Variants in RCAN1 observed in about 807,000 individuals in gnomAD.
RCAN1 encodes calcipressin-1.
Under a neutral mutation model 22.9 loss-of-function variants are expected in RCAN1, and 11 were observed. That is an observed-to-expected ratio of 0.48 (90% CI 0.30 to 0.79). The LOEUF (loss-of-function observed/expected upper bound fraction) is 0.79, where lower values mean the gene tolerates loss of function less well. RCAN1 is among the 30% of genes least tolerant of loss of function. The pLI, the probability that RCAN1 is intolerant of heterozygous loss-of-function variation, is 0.06. For missense variants in RCAN1, 291 were observed against 337.8 expected, an observed-to-expected ratio of 0.86 and a Z score of 1.09; for synonymous variants, 136 against 142.3, an observed-to-expected ratio of 0.96 and a Z score of 0.32.
chr21:34,546,512 CA>C (rs1986146278), intron 1 of RCAN1, among the ~76,000 whole-genome samples: 1 of 152,090 alleles, frequency 6.6e-6, no homozygotes, highest in Non-Finnish European at 1.5e-5. Context: ...AACAGGTACA[CA>C]ACTCCCCTCT....
At chr21:34,529,798 T>C (rs750217795) in intron 1 of RCAN1, among the ~76,000 whole-genome samples, 13 of 152,178 alleles carry the variant, frequency 8.5e-5, no homozygotes, top group Non-Finnish European at 1.8e-4. Context: ...GAATTGTATC[T>C]CCCAGAATTC....
Position 34,566,214 on chromosome 21 carries a change from CT to C in RCAN1, c.253-42505del, listed in dbSNP as rs142147029. Among the ~76,000 whole-genome samples the C allele has an allele frequency of 7.1e-3, 1,081 of 152,242 alleles. 11 individuals carry two copies. Among genetic ancestry groups the C allele is most frequent in the African/African-American group, 0.024 (1,008 of 41,526 alleles). On this transcript the variant is annotated intron_variant, in intron 1 of 3. Coordinates refer to ENST00000313806, the MANE Select transcript of RCAN1 (RefSeq NM_004414.7). ...AGTCCAGCCCCAGAGTGGATTGCTT[CT>C]GGGCAAATGACTCCCAGAGTCTTCT...
intron 1 of RCAN1, among the ~76,000 whole-genome samples, chr21:34,567,357 G>A (rs2268259): frequency 0.25 from 37,483 of 151,856 alleles, 5,586 homozygotes; most frequent in African/African-American, 0.41. Context: ...TTAGCCGAGC[G>A]TGGGGGGCAC....
intron 1 of RCAN1, among the ~76,000 whole-genome samples, chr21:34,544,631 G>C (rs964722571): frequency 6.6e-6 from 1 of 152,200 alleles, no homozygotes; most frequent in African/African-American, 2.4e-5. Context: ...CAGAAACTCT[G>C]CTGGTTTTTG....
intron 1 of RCAN1, among the ~76,000 whole-genome samples, chr21:34,569,174 A>G (rs1164494024): frequency 6.6e-6 from 1 of 152,202 alleles, no homozygotes; most frequent in African/African-American, 2.4e-5. Context: ...CTTAGTGTGT[A>G]AATTTTAGAG....
At chr21:34,560,875 T>C (rs1025733904) in intron 1 of RCAN1, among the ~76,000 whole-genome samples, 13 of 152,186 alleles carry the variant, frequency 8.5e-5, no homozygotes, top group Non-Finnish European at 1.8e-4. Flanking sequence ...ATTCTGACTA[T>C]ACTCTTACAA....
At chr21:34,538,835 A>G (rs7276075) in intron 1 of RCAN1, among the ~76,000 whole-genome samples, 36,371 of 151,844 alleles carry the variant, frequency 0.24, 5,057 homozygotes, top group African/African-American at 0.38. Flanking sequence ...GACAAATTCT[A>G]TTTTTCTGAA....
chr21:34,574,734 G>A (rs1987352862), intron 1 of RCAN1, among the ~76,000 whole-genome samples: 1 of 152,260 alleles, frequency 6.6e-6, no homozygotes, highest in Non-Finnish European at 1.5e-5. Context: ...TTCAGCAGTT[G>A]TTTGAGTGTA....
chr21:34,597,070 C>G (rs1826970654), intron 1 of RCAN1, among the ~76,000 whole-genome samples: 3 of 152,156 alleles, frequency 2.0e-5, no homozygotes, highest in Non-Finnish European at 4.4e-5. Flanking sequence ...TGGGCCCAAT[C>G]TCAGCATCTC....
chr21:34,589,829 C>G (rs986579170), intron 1 of RCAN1, among the ~76,000 whole-genome samples: 3 of 152,228 alleles, frequency 2.0e-5, no homozygotes, highest in Non-Finnish European at 4.4e-5. Flanking sequence ...GGCCTTTGGA[C>G]TAGCCAGTCT....
At chr21:34,552,471 A>G (rs1002179019) in intron 1 of RCAN1, among the ~76,000 whole-genome samples, 3 of 152,364 alleles carry the variant, frequency 2.0e-5, no homozygotes, top group Non-Finnish European at 2.9e-5. Context: ...TCTCCATAGG[A>G]ACCCTGCCAG....
At chr21:34,584,948 T>A (rs531322778) in intron 1 of RCAN1, among the ~76,000 whole-genome samples, 1 of 152,354 alleles carries the variant, frequency 6.6e-6, no homozygotes, top group African/African-American at 2.4e-5. Flanking sequence ...GGGTCATGTT[T>A]TGCTATGCAT....
intron 1 of RCAN1, among the ~76,000 whole-genome samples, chr21:34,610,954 T>C (rs1180453636): frequency 1.3e-5 from 2 of 152,230 alleles, no homozygotes; most frequent in East Asian, 3.8e-4. Context: ...AATTTTTCTA[T>C]AATTTTCTGA....
At chr21:34,578,353 T>C (rs1271920616) in intron 1 of RCAN1, among the ~76,000 whole-genome samples, 1 of 152,204 alleles carries the variant, frequency 6.6e-6, no homozygotes. Context: ...ATCTGTTTGA[T>C]GCAGAACTAA....
chr21:34,563,765 A>AT (rs1269267827), intron 1 of RCAN1, among the ~76,000 whole-genome samples: 11 of 99,526 alleles, frequency 1.1e-4, no homozygotes, highest in East Asian at 4.9e-4. Flanking sequence ...AAAAAAAAAA[A>AT]AAAAAATATA....
intron 1 of RCAN1, chr21:34,524,977 A>G: frequency 6.7e-7 from 1 of 1,491,770 alleles, no homozygotes; most frequent in East Asian, 2.5e-5. Flanking sequence ...AGGCAAAAAC[A>G]CTTAGGACAG....
chr21:34,560,647 A>T (rs1357878992), intron 1 of RCAN1, among the ~76,000 whole-genome samples: 1 of 152,240 alleles, frequency 6.6e-6, no homozygotes, highest in Non-Finnish European at 1.5e-5. Context: ...ATACTTAATA[A>T]TTAGCACCAG....
chr21:34,537,074 C>T (rs1157428740), intron 1 of RCAN1, among the ~76,000 whole-genome samples: 1 of 152,204 alleles, frequency 6.6e-6, no homozygotes, highest in Non-Finnish European at 1.5e-5. Context: ...TAACAAGTCA[C>T]ACGAGGAAGC....
At chr21:34,583,177 C>CTTTTTT (rs1568922372) in intron 1 of RCAN1, among the ~76,000 whole-genome samples, 1 of 107,034 alleles carries the variant, frequency 9.3e-6, no homozygotes. Flanking sequence ...GGCGATAGGG[C>CTTTTTT]CTTTTTTTTT....
Sources: gnomAD v4.1 joint callset for allele counts (sites outside exome capture counted in the v4.1 genomes callset) on GRCh38, gnomAD v4.1.1 for gene constraint, MANE v1.5 for transcripts, NCBI Gene and HGNC (gene_info 2026-07-23, HGNC 2026-07-21) for gene names.